SEMA6D: variants seen among roughly 807,000 people sequenced by gnomAD.
SEMA6D encodes semaphorin-6D.
A neutral mutation model predicts 106.6 loss-of-function variants in SEMA6D; 35 were observed. That is an observed-to-expected ratio of 0.33 (90% CI 0.25 to 0.44). SEMA6D has a LOEUF of 0.44. SEMA6D is among the 20% of genes least tolerant of loss of function. SEMA6D has a pLI of 1.00. For missense variants in SEMA6D, 1,185 were observed against 1,345.9 expected, an observed-to-expected ratio of 0.88 and a Z score of 1.87; for synonymous variants, 499 against 487.7, an observed-to-expected ratio of 1.02 and a Z score of -0.31.
At chr15:47,664,962 GTATT>G in intron 4 of SEMA6D, among the ~76,000 whole-genome samples, 1 of 152,270 alleles carries the variant, frequency 6.6e-6, no homozygotes, top group South Asian at 2.1e-4. Context: ...TGGGAGGACT[GTATT>G]TACCTGCCCT....
chr15:47,606,733 T>C (rs78991508), intron 4 of SEMA6D, among the ~76,000 whole-genome samples: 1 of 152,168 alleles, frequency 6.6e-6, no homozygotes, highest in Non-Finnish European at 1.5e-5. Context: ...ATAATGTGAT[T>C]CCTTGGCTAA....
At chr15:47,320,250 A>T (rs184539865) in intron 1 of SEMA6D, among the ~76,000 whole-genome samples, 1 of 152,028 alleles carries the variant, frequency 6.6e-6, no homozygotes, top group East Asian at 1.9e-4. Flanking sequence ...ATCCAAGGAG[A>T]CCTCATGAGC....
intron 1 of SEMA6D, among the ~76,000 whole-genome samples, chr15:47,736,972 TTG>T (rs2080481303): frequency 1.3e-5 from 2 of 152,164 alleles, no homozygotes; most frequent in South Asian, 4.1e-4. Flanking sequence ...GCATGGATCT[TTG>T]TGAAAATCAG....
Position 47,535,677 on chromosome 15 carries a change from CA to C in SEMA6D, c.-87+65142del, listed in dbSNP as rs199988144. Among the ~76,000 whole-genome samples, 1,065 of 142,658 alleles carry C rather than the reference CA, an allele frequency of 7.5e-3. 22 individuals are homozygous for C. Among genetic ancestry groups the C allele is most frequent in the South Asian group, 0.055 (245 of 4,456 alleles). 93.6% of individuals were successfully genotyped at this position (142,658 alleles called of 152,430 possible). A position where few individuals can be genotyped will look rare whatever the true frequency, so the allele number is the denominator to read the frequency against. ...TACTAGATAGAAAGTGACAAAAATA[CA>C]AAAAAAAAATAAATTAAGACATAGA... On this transcript the variant is annotated intron_variant, in intron 3 of 19. Transcript: ENST00000558014.
At chr15:47,374,104 C>T (rs547580802) in intron 1 of SEMA6D, among the ~76,000 whole-genome samples, 51 of 152,262 alleles carry the variant, frequency 3.3e-4, no homozygotes, top group Non-Finnish European at 6.8e-4. Flanking sequence ...GGATAACATT[C>T]GCTGGAGCTC....
At chr15:47,396,626 C>G (rs2040221376) in intron 1 of SEMA6D, 2 of 152,222 alleles carry the variant, frequency 1.3e-5, no homozygotes, top group Admixed American at 1.3e-4. Flanking sequence ...CATTCCTCTG[C>G]CTGCCTTTAT....
intron 4 of SEMA6D, among the ~76,000 whole-genome samples, chr15:47,684,730 T>C (rs2078432767): frequency 6.6e-6 from 1 of 152,240 alleles, no homozygotes; most frequent in Non-Finnish European, 1.5e-5. Flanking sequence ...ACTTTTAAAA[T>C]GGTAATTCCC....
intron 2 of SEMA6D, among the ~76,000 whole-genome samples, chr15:47,424,747 C>G (rs2041277606): frequency 6.6e-6 from 1 of 152,146 alleles, no homozygotes. Flanking sequence ...CCTTCCACTT[C>G]TGAAGGTTCA....
chr15:47,371,883 A>C (rs1318884806), intron 1 of SEMA6D, among the ~76,000 whole-genome samples: 3 of 152,222 alleles, frequency 2.0e-5, no homozygotes, highest in Non-Finnish European at 4.4e-5. Context: ...ATTGATGACA[A>C]CCATGCAATG....
intron 1 of SEMA6D, among the ~76,000 whole-genome samples, chr15:47,387,984 A>C (rs994658081): frequency 1.3e-5 from 2 of 152,184 alleles, no homozygotes; most frequent in African/African-American, 4.8e-5. Context: ...AAGTGCCATT[A>C]TTGTCTAAAA....
chr15:47,306,025 A>G (rs2036216699), intron 1 of SEMA6D, among the ~76,000 whole-genome samples: 1 of 151,540 alleles, frequency 6.6e-6, no homozygotes, highest in Non-Finnish European at 1.5e-5. Context: ...CTCCGTTGCC[A>G]GGCTAGAGTG....
intron 1 of SEMA6D, among the ~76,000 whole-genome samples, chr15:47,738,851 T>G (rs982674716): frequency 1.3e-5 from 2 of 152,200 alleles, no homozygotes; most frequent in East Asian, 3.9e-4. Flanking sequence ...CTCTAGTAGG[T>G]GAGGGGGGCT....
intron 1 of SEMA6D, among the ~76,000 whole-genome samples, chr15:47,401,756 G>A (rs573614951): frequency 3.4e-4 from 52 of 152,224 alleles, no homozygotes; most frequent in African/African-American, 1.1e-3. Context: ...GTCGCTACAC[G>A]TCCTATAAAA....
At chr15:47,696,542 C>G (rs779894416) in intron 4 of SEMA6D, among the ~76,000 whole-genome samples, 1 of 152,146 alleles carries the variant, frequency 6.6e-6, no homozygotes, top group Non-Finnish European at 1.5e-5. Context: ...TGTCTTGCTG[C>G]CAAAGATGAA....
At chr15:47,446,350 G>A (rs2042028639) in intron 2 of SEMA6D, among the ~76,000 whole-genome samples, 2 of 152,132 alleles carry the variant, frequency 1.3e-5, no homozygotes, top group South Asian at 4.1e-4. Context: ...TTCTTTGCGG[G>A]TCCCAAGGAT....
intron 1 of SEMA6D, among the ~76,000 whole-genome samples, chr15:47,408,020 G>A (rs545519083): frequency 2.0e-5 from 3 of 152,266 alleles, no homozygotes; most frequent in South Asian, 4.2e-4. Context: ...GCAGTAGATA[G>A]GACTCTTAAC....
intron 1 of SEMA6D, among the ~76,000 whole-genome samples, chr15:47,333,649 T>C (rs2037433943): frequency 6.6e-6 from 1 of 152,184 alleles, no homozygotes; most frequent in African/African-American, 2.4e-5. Context: ...TAGTACCTCC[T>C]CTTGCCAGGC....
rs1229361255 is a variant in SEMA6D at position 47,772,762 on chromosome 15, T to G, written c.*977T>G. 1 of 151,332 alleles carries G rather than the reference T, an allele frequency of 6.6e-6. No homozygotes were observed. The highest frequency in any genetic ancestry group is 1.5e-5 in the Non-Finnish European group (1 of 67,930). 9.4% of individuals were successfully genotyped at this position (151,332 alleles called of 1,614,324 possible). ...AAAGCCTGAGTCACTCTATTTAACC[T>G]TGGACACACTAATAAGGTTTTATTT... On this transcript the variant is annotated 3_prime_UTR_variant, in exon 19 of 19. Transcript: ENST00000536845.
At chr15:47,426,486 T>G (rs2041343777) in intron 2 of SEMA6D, among the ~76,000 whole-genome samples, 1 of 152,094 alleles carries the variant, frequency 6.6e-6, no homozygotes, top group Non-Finnish European at 1.5e-5. Flanking sequence ...TCCGACATTG[T>G]GGGGTACGTG....
Sources: allele counts gnomAD v4.1 joint callset (sites outside exome capture counted in the v4.1 genomes callset), GRCh38; gene constraint gnomAD v4.1.1; transcripts MANE v1.5; gene names NCBI Gene and HGNC (gene_info 2026-07-23, HGNC 2026-07-21).